LOXHD1: variants seen among roughly 807,000 people sequenced by gnomAD.
The protein encoded by LOXHD1 is lipoxygenase homology domain-containing protein 1.
In LOXHD1, 205 loss-of-function variants were observed where a neutral mutation model predicts 248.2. The ratio of observed to expected loss-of-function variants is 0.83; its 90% confidence interval spans 0.74 to 0.93. The LOEUF (loss-of-function observed/expected upper bound fraction) is 0.93. Ranked by LOEUF, LOXHD1 falls within the 40% of genes least tolerant of loss-of-function variation. LOXHD1 has a pLI of 0.00. For missense variants in LOXHD1, 2,930 were observed against 2,971.6 expected (o/e 0.99, Z 0.33); for synonymous variants, 1,113 against 1,162.8 (o/e 0.96, Z 0.87).
rs60099172 is a variant in LOXHD1 at position 46,540,654 on chromosome 18, C to CTTTTTTT, written c.3913+1115_3913+1121dup. Among the ~76,000 whole-genome samples the CTTTTTTT allele has an allele frequency of 1.4e-3, 126 of 91,402 alleles. 4 individuals carry two copies. Among genetic ancestry groups the CTTTTTTT allele is most frequent in the African/African-American group, 2.5e-3 (60 of 24,240 alleles). The allele number at this position is 91,402 out of a possible 152,430, so 60.0% of individuals were successfully genotyped here. On this transcript the variant is annotated intron_variant, in intron 25 of 40. Coordinates refer to ENST00000642948, the MANE Select transcript of LOXHD1 (RefSeq NM_001384474.1). The stretch of plus-strand genomic sequence containing the variant: ...AAGTCAAACCATACAAACTCTTTAT[C>CTTTTTTT]TTTTTTTTTTTTTTTTTTTTTTTGG...
intron 2 of LOXHD1, among the ~76,000 whole-genome samples, chr18:46,645,558 T>C (rs1463755851): frequency 1.3e-5 from 2 of 152,098 alleles, no homozygotes; most frequent in African/African-American, 2.4e-5. Flanking sequence ...CCCTGGTTAA[T>C]GGGGAAGAGT....
chr18:46,511,725 G>A (rs910996949), intron 34 of LOXHD1, among the ~76,000 whole-genome samples: 10 of 152,220 alleles, frequency 6.6e-5, no homozygotes, highest in African/African-American at 2.4e-4. Flanking sequence ...GGGATGGATG[G>A]TGTGGGGTCT....
intron 37 of LOXHD1, among the ~76,000 whole-genome samples, chr18:46,497,238 G>T (rs2033929632): frequency 6.6e-6 from 1 of 152,152 alleles, no homozygotes; most frequent in Non-Finnish European, 1.5e-5. Context: ...CCAAAGTGGT[G>T]GTGGGGTGGG....
intron 37 of LOXHD1, among the ~76,000 whole-genome samples, chr18:46,504,190 T>C (rs974298360): frequency 6.6e-6 from 1 of 152,154 alleles, no homozygotes; most frequent in Non-Finnish European, 1.5e-5. Context: ...CACAGCTCAC[T>C]GCAGCCTTGA....
In LOXHD1 at chr18:46,556,972, C is replaced by T. The variant is rs479092; in HGVS notation, c.3350+384G>A. Among the ~76,000 whole-genome samples, 169 of 151,726 alleles carry T rather than the reference C, an allele frequency of 1.1e-3. 1 individual carries two copies. Among genetic ancestry groups the T allele is most frequent in the African/African-American group, 3.9e-3 (161 of 41,336 alleles). On this transcript the variant is annotated intron_variant, in intron 21 of 40. Transcript: ENST00000642948. The stretch of plus-strand genomic sequence containing the variant: ...ACATCACCACCAGCCCACCCTCACC[C>T]TCATACTCACCCACTCTCATTTTCA...
intron 25 of LOXHD1, among the ~76,000 whole-genome samples, chr18:46,539,470 A>G (rs1177747351): frequency 6.6e-6 from 1 of 151,126 alleles, no homozygotes; most frequent in Non-Finnish European, 1.5e-5. Flanking sequence ...TAAAAAAAAA[A>G]TGCAGATTTG....
At chr18:46,547,579 A>G (rs964576081) in intron 21 of LOXHD1, among the ~76,000 whole-genome samples, 20 of 152,156 alleles carry the variant, frequency 1.3e-4, no homozygotes, top group African/African-American at 4.8e-4. Context: ...AGGGAGGTCC[A>G]AGTCAGACCC....
At chr18:46,652,168 A>G (rs2039119753) in intron 1 of LOXHD1, among the ~76,000 whole-genome samples, 1 of 152,178 alleles carries the variant, frequency 6.6e-6, no homozygotes, top group Non-Finnish European at 1.5e-5. Flanking sequence ...GAAACTCTAG[A>G]AGAGACCAAT....
intron 37 of LOXHD1, among the ~76,000 whole-genome samples, chr18:46,504,093 T>C (rs1022189534): frequency 6.6e-6 from 1 of 152,124 alleles, no homozygotes; most frequent in Non-Finnish European, 1.5e-5. Flanking sequence ...CACAAAGGTT[T>C]CTATTTGTTT....
At chr18:46,602,667 T>A (rs979603468) in intron 7 of LOXHD1, among the ~76,000 whole-genome samples, 8 of 152,124 alleles carry the variant, frequency 5.3e-5, no homozygotes, top group Non-Finnish European at 1.2e-4. Flanking sequence ...TGCAACTACA[T>A]GGGTGTATTA....
intron 12 of LOXHD1, among the ~76,000 whole-genome samples, chr18:46,588,930 AG>A (rs1265226349): frequency 6.6e-6 from 1 of 152,154 alleles, no homozygotes; most frequent in Non-Finnish European, 1.5e-5. Flanking sequence ...CTGGGAGGGC[AG>A]GGGCTTGAGT....
At chr18:46,479,753 A>G (rs1051095884) in intron 40 of LOXHD1, among the ~76,000 whole-genome samples, 1 of 141,542 alleles carries the variant, frequency 7.1e-6, no homozygotes, top group South Asian at 2.3e-4. Context: ...TTAGATGAAC[A>G]TTCTTAACAG....
chr18:46,483,594 C>T lies in LOXHD1; in HGVS notation c.6334G>A (p.Gly2112Ser), dbSNP rs550914059. 8 of 1,551,414 alleles carry T rather than the reference C, an allele frequency of 5.2e-6. No individual in the cohort carries two copies. Among genetic ancestry groups the T allele is most frequent in the Admixed American group, 3.9e-5 (2 of 50,962 alleles). ...KTITITEMEYGNVYFFNCDCL... is the reference protein window; with the variant it reads ...KTITITEMEYSNVYFFNCDCL... ...GAGAGGCTCAGTACATACACATTGC[C>T]GTACTCCATCTCGGTGATGGTGATG... The change falls in exon 40 of 41, where the codon GGC becomes AGC. Residue 2112 changes from glycine (G) to serine (S), a missense_variant. Coordinates refer to ENST00000642948, the MANE Select transcript of LOXHD1 (RefSeq NM_001384474.1).
rs11660036 is a variant in LOXHD1, at chr18:46,525,037, C to T, written c.4531-120G>A. On this transcript the variant is annotated intron_variant, in intron 29 of 40. Transcript: ENST00000642948. ...TGCTGCACTGAACAGACCTTCTTTG[C>T]TGGGGAGCCCTCCAGGCCCAAATCC... is the stretch of plus-strand genomic sequence containing the variant. 104,428 of 1,164,700 alleles carry T rather than the reference C, an allele frequency of 0.09. 5,090 individuals are homozygous for T. Among genetic ancestry groups the T allele is most frequent in the Non-Finnish European group, 0.1 (84,046 of 824,320 alleles). 72.1% of individuals were successfully genotyped at this position (1,164,700 alleles called of 1,614,324 possible).
chr18:46,538,671 C>T (rs2036426385), intron 25 of LOXHD1, among the ~76,000 whole-genome samples: 1 of 152,168 alleles, frequency 6.6e-6, no homozygotes, highest in Non-Finnish European at 1.5e-5. Flanking sequence ...CTGTCTTGAC[C>T]ATTGGTGTAA....
intron 40 of LOXHD1, among the ~76,000 whole-genome samples, chr18:46,480,878 G>A (rs1295303447): frequency 6.6e-6 from 1 of 152,146 alleles, no homozygotes; most frequent in Non-Finnish European, 1.5e-5. Flanking sequence ...TTTTATGGTT[G>A]TGTATTAGAT....
Position 46,538,209 on chromosome 18 carries a change from T to C in LOXHD1, c.4042A>G (p.Arg1348Gly). The C allele has an allele frequency of 1.9e-6, 3 of 1,543,026 alleles. No homozygotes were observed. Among genetic ancestry groups the C allele is most frequent in the Non-Finnish European group, 2.6e-6 (3 of 1,139,594 alleles). Residue 1348 changes from arginine to glycine, a missense_variant, in exon 26 of 41, where the codon AGG (arginine) becomes GGG (glycine). Physicochemically the swap from Arg to Gly is moderately radical, Grantham distance 125. Coordinates refer to ENST00000642948, the MANE Select transcript of LOXHD1 (RefSeq NM_001384474.1). ...CTCTCAAAGAACTGCTTCTGTTCCCTCTTGTTGGTACACAGATACTTCTGC... is the reference window on the plus strand; with the variant it reads ...CTCTCAAAGAACTGCTTCTGTTCCCCCTTGTTGGTACACAGATACTTCTGC... ...TQQKYLCTNK[R>G]EQKQFFERKS...
At chr18:46,494,989 G>A (rs1193993706) in intron 37 of LOXHD1, among the ~76,000 whole-genome samples, 2 of 151,494 alleles carry the variant, frequency 1.3e-5, no homozygotes, top group African/African-American at 4.8e-5. Flanking sequence ...GAGTAGCTGG[G>A]ACTACAGGCG....
chr18:46,611,056 CT>C, intron 5 of LOXHD1, 132 bp from the exon 6 acceptor site: 1 of 1,004,012 alleles, frequency 1.0e-6, no homozygotes, highest in Non-Finnish European at 1.4e-6. Flanking sequence ...GATCTAAGGG[CT>C]CCTTACATCC....
Sources: gnomAD v4.1 joint callset for allele counts (sites outside exome capture counted in the v4.1 genomes callset) on GRCh38, gnomAD v4.1.1 for gene constraint, MANE v1.5 for transcripts, NCBI Gene and HGNC (gene_info 2026-07-23, HGNC 2026-07-21) for gene names.